The following IL1RAPL2 variants were observed in gnomAD, a reference collection of about 807,000 sequenced individuals.
IL1RAPL2 encodes the protein X-linked interleukin-1 receptor accessory protein-like 2.
A neutral mutation model predicts 44.1 loss-of-function variants in IL1RAPL2; 3 were observed. The observed-to-expected ratio is 0.07, with a 90% CI of 0.03 to 0.18. The LOEUF is 0.18. Ranked by LOEUF, IL1RAPL2 falls within the 10% of genes least tolerant of loss-of-function variation. The pLI, the probability that IL1RAPL2 is intolerant of heterozygous loss-of-function variation, is 1.00. For missense variants in IL1RAPL2, 391 were observed against 496.4 expected, an observed-to-expected ratio of 0.79 and a Z score of 2.02; for synonymous variants, 181 against 178.8, an observed-to-expected ratio of 1.01 and a Z score of -0.10.
intron 2 of IL1RAPL2, among the ~76,000 whole-genome samples, chrX:105,132,927 C>G (rs1311401605): frequency 9.0e-6 from 1 of 111,693 alleles, no homozygotes; most frequent in Non-Finnish European, 1.9e-5. Flanking sequence ...ACAGAAGAAA[C>G]TTGAATTAGC....
At chrX:104,863,824 A>G (rs1391489513) in intron 2 of IL1RAPL2, among the ~76,000 whole-genome samples, 1 of 112,071 alleles carries the variant, frequency 8.9e-6, no homozygotes. Context: ...TGGTCCTTCA[A>G]TAGTTTAACT....
intron 5 of IL1RAPL2, chrX:105,406,951 G>A (rs2035649854): frequency 2.7e-6 from 3 of 1,110,927 alleles, no homozygotes; most frequent in Non-Finnish European, 3.7e-6. Flanking sequence ...ATCTGGGTGC[G>A]ATCTTCAAGA....
At chrX:105,679,427 T>C (rs766629298) in intron 6 of IL1RAPL2, among the ~76,000 whole-genome samples, 3 of 111,959 alleles carry the variant, frequency 2.7e-5, no homozygotes, top group Non-Finnish European at 3.8e-5. Context: ...TTTATTCATA[T>C]GGTATGAGGG....
At chrX:105,565,381 T>G (rs768799504) in intron 6 of IL1RAPL2, among the ~76,000 whole-genome samples, 7 of 111,444 alleles carry the variant, frequency 6.3e-5, no homozygotes, top group Non-Finnish European at 1.1e-4. Context: ...GGCAAGTACC[T>G]AGGCTTTGAT....
At chrX:104,946,044 A>T (rs1032745295) in intron 2 of IL1RAPL2, among the ~76,000 whole-genome samples, 5 of 110,115 alleles carry the variant, frequency 4.5e-5, no homozygotes, top group Admixed American at 9.7e-5. Context: ...CAAAGTCCAA[A>T]TTATCATTTA....
chrX:104,871,179 T>C (rs1450221020), intron 2 of IL1RAPL2, among the ~76,000 whole-genome samples: 2 of 112,070 alleles, frequency 1.8e-5, no homozygotes, highest in Non-Finnish European at 3.8e-5. Context: ...TCTATTCATA[T>C]AAATCTCACC....
At chrX:104,906,540 C>A (rs1282047752) in intron 2 of IL1RAPL2, among the ~76,000 whole-genome samples, 1 of 111,463 alleles carries the variant, frequency 9.0e-6, no homozygotes, top group African/African-American at 3.3e-5. Flanking sequence ...TGTCAAAGGC[C>A]TTTTCTGCAT....
chrX:104,583,986 C>A (rs1928461332), intron 1 of IL1RAPL2, among the ~76,000 whole-genome samples: 1 of 111,391 alleles, frequency 9.0e-6, no homozygotes. Context: ...TATGCTAGAG[C>A]TGGAATGAAC....
At chrX:104,943,162 A>G (rs1925239550) in intron 2 of IL1RAPL2, among the ~76,000 whole-genome samples, 1 of 110,614 alleles carries the variant, frequency 9.0e-6, no homozygotes, top group Non-Finnish European at 1.9e-5. Context: ...CTCTTTTTTT[A>G]ATTGTGTCTC....
intron 2 of IL1RAPL2, among the ~76,000 whole-genome samples, chrX:104,855,443 A>C (rs1922331565): frequency 9.0e-6 from 1 of 111,195 alleles, no homozygotes; most frequent in Admixed American, 9.5e-5. Context: ...ACAGTGGGAA[A>C]ATGGTTATTC....
intron 6 of IL1RAPL2, among the ~76,000 whole-genome samples, chrX:105,512,153 G>T (rs370741837): frequency 2.7e-5 from 3 of 110,978 alleles, no homozygotes; most frequent in East Asian, 5.7e-4. Flanking sequence ...TTGTTTTTAT[G>T]GATTATTAAT....
chrX:104,870,237 A>G (rs770212548), intron 2 of IL1RAPL2, among the ~76,000 whole-genome samples: 2 of 112,228 alleles, frequency 1.8e-5, no homozygotes, highest in Non-Finnish European at 3.8e-5. Context: ...TTCTCATTTT[A>G]TCCTCACAAC....
chrX:105,750,106 T>A (rs1378226097), intron 9 of IL1RAPL2, among the ~76,000 whole-genome samples: 1 of 111,144 alleles, frequency 9.0e-6, no homozygotes, highest in Non-Finnish European at 1.9e-5. Flanking sequence ...TAGTGATAGA[T>A]GTAATGTCAA....
intron 6 of IL1RAPL2, among the ~76,000 whole-genome samples, chrX:105,519,887 T>C (rs1200189679): frequency 9.0e-6 from 1 of 111,726 alleles, no homozygotes; most frequent in African/African-American, 3.3e-5. Context: ...AACCCTATTT[T>C]TTACTTTAAA....
intron 6 of IL1RAPL2, among the ~76,000 whole-genome samples, chrX:105,653,668 C>T (rs934735265): frequency 1.8e-5 from 2 of 110,640 alleles, no homozygotes; most frequent in Non-Finnish European, 3.8e-5. Flanking sequence ...AAGTGAAAAA[C>T]ATGTTCCCTT....
chrX:105,252,191 G>A (rs1177215553), intron 4 of IL1RAPL2, among the ~76,000 whole-genome samples: 1 of 111,150 alleles, frequency 9.0e-6, no homozygotes, highest in Non-Finnish European at 1.9e-5. Flanking sequence ...ATGATATGTA[G>A]CTTTTTTGTC....
At chrX:104,721,325 T>C (rs973196282) in intron 2 of IL1RAPL2, among the ~76,000 whole-genome samples, 24 of 111,377 alleles carry the variant, frequency 2.2e-4, no homozygotes, top group African/African-American at 7.5e-4. Flanking sequence ...ATGGTGCATA[T>C]ACACCATGGA....
intron 2 of IL1RAPL2, among the ~76,000 whole-genome samples, chrX:104,928,518 G>GGTT (rs1924825283): frequency 9.0e-6 from 1 of 111,439 alleles, no homozygotes; most frequent in African/African-American, 3.3e-5. Flanking sequence ...TTGAGGCTGT[G>GGTT]CCGCACTTAC....
At chrX:104,630,450 T>A (rs1322913736) in intron 1 of IL1RAPL2, among the ~76,000 whole-genome samples, 1 of 109,288 alleles carries the variant, frequency 9.2e-6, no homozygotes, top group African/African-American at 3.3e-5. Flanking sequence ...CCCGGCAGGC[T>A]GATTTTTTTG....
Sources: gnomAD v4.1 joint callset for allele counts (sites outside exome capture counted in the v4.1 genomes callset) on GRCh38, gnomAD v4.1.1 for gene constraint, MANE v1.5 for transcripts, NCBI Gene and HGNC (gene_info 2026-07-23, HGNC 2026-07-21) for gene names.